Variants in KLRG2 observed in about 807,000 individuals in gnomAD.
KLRG2 encodes killer cell lectin-like receptor subfamily G member 2.
Under a neutral mutation model 35.4 loss-of-function variants are expected in KLRG2, and 39 were observed. The ratio of observed to expected loss-of-function variants is 1.10; its 90% confidence interval spans 0.85 to 1.44. The LOEUF is 1.44. Among genes scored for constraint, KLRG2 ranks in the 40% most tolerant of loss-of-function variants. The pLI is 0.00. For missense variants in KLRG2, 632 were observed against 570.9 expected (o/e 1.11, Z -1.09); for synonymous variants, 283 against 265.8 (o/e 1.06, Z -0.63).
intron 3 of KLRG2, among the ~76,000 whole-genome samples, chr7:139,466,754 TA>T (rs149994532): frequency 1.9e-4 from 25 of 132,450 alleles, no homozygotes; most frequent in East Asian, 3.0e-4. Context: ...ATAAAAAAAA[TA>T]AAAAAAGGGG....
At chr7:139,443,991 G>C in the KLRG2 span, among the ~76,000 whole-genome samples, 2 of 152,180 alleles carry the variant, frequency 1.3e-5, no homozygotes, top group African/African-American at 4.8e-5. Flanking sequence ...GAGAGCCCCT[G>C]GCAAACCACT....
At chr7:139,461,667 C>T (rs79381369) in intron 3 of KLRG2, among the ~76,000 whole-genome samples, 3 of 152,120 alleles carry the variant, frequency 2.0e-5, no homozygotes, top group Non-Finnish European at 4.4e-5. Context: ...TTATGACCCC[C>T]GCCCCTGCCC....
intron 3 of KLRG2, among the ~76,000 whole-genome samples, chr7:139,464,248 C>T (rs187054796): frequency 6.6e-6 from 1 of 152,142 alleles, no homozygotes; most frequent in Non-Finnish European, 1.5e-5. Flanking sequence ...CCATTAAAAC[C>T]TAATCACCCA....
In KLRG2 at chr7:139,483,120, C is replaced by G; in HGVS notation, c.523G>C (p.Ala175Pro). The G allele has an allele frequency of 6.8e-7, 1 of 1,477,440 alleles. No homozygotes were observed. The highest frequency in any genetic ancestry group is 1.5e-5 in the African/African-American group (1 of 68,056). The allele number at this position is 1,477,440 out of a possible 1,614,324, so 91.5% of individuals were successfully genotyped here. Residue 175 changes from alanine (A) to proline (P), a missense_variant, in exon 1 of 5, where the codon GCA becomes CCA. Physicochemically the swap from Ala to Pro is conservative, Grantham distance 27 (BLOSUM62 -1). Transcript: ENST00000340940. The part of the protein sequence containing the change: ...ADPAHQLLLR[A>P]PSQGGTWGRR... ...CCCCACGTGCCGCCCTGGGATGGTG[C>G]GCGCAGCAGGAGCTGGTGCGCCGGG...
chr7:139,453,102 T>C lies in KLRG2; in HGVS notation c.*485A>G, dbSNP rs1474390105. On this transcript the variant is annotated 3_prime_UTR_variant, in exon 5 of 5. Transcript: ENST00000340940. ...TGGTTAATTTTCCAGAGGCTGCCGG[T>C]AGGCTGTGTCCGATGTACACCCAGC... 1.7e-5 allele frequency: 3 copies of C among 175,854 alleles called. No individual in the cohort carries two copies. The highest frequency in any genetic ancestry group is 7.1e-5 in the African/African-American group (3 of 42,370). 10.9% of individuals were successfully genotyped at this position (175,854 alleles called of 1,614,324 possible).
the KLRG2 span, among the ~76,000 whole-genome samples, chr7:139,445,917 C>T: frequency 2.7e-5 from 4 of 150,766 alleles, no homozygotes; most frequent in East Asian, 1.9e-4. Flanking sequence ...CTGCAGCCTC[C>T]GCCTCCTGGG....
chr7:139,478,554 C>CTTGGG (rs1796897011), intron 3 of KLRG2, among the ~76,000 whole-genome samples: 1 of 151,990 alleles, frequency 6.6e-6, no homozygotes, highest in African/African-American at 2.4e-5. Context: ...CCTGTAATCC[C>CTTGGG]AGCTACTTGG....
At chr7:139,449,422 T>C (rs143515523), downstream of KLRG2, among the ~76,000 whole-genome samples, 240 of 152,010 alleles carry the variant, frequency 1.6e-3, 1 homozygote, top group Middle Eastern at 3.4e-3. Flanking sequence ...AATGGTACTC[T>C]TGTATGGGGC....
chr7:139,483,417 C>G lies in KLRG2; in HGVS notation c.226G>C (p.Gly76Arg), dbSNP rs754779844. 1.9e-6 allele frequency: 3 copies of G among 1,551,860 alleles called. No individual in the cohort carries two copies. The Admixed American group carries it at 5.6e-5, about 29-fold the overall frequency. ...SKKKPPSPRP[G>R]SPRVPPLSLG... ...CTGAGCGGCGGCACGCGCGGGGACCCGGGGCGAGGCGAAGGCGGCTTTTTC... is the reference window on the plus strand; with the variant it reads ...CTGAGCGGCGGCACGCGCGGGGACCGGGGGCGAGGCGAAGGCGGCTTTTTC... Residue 76 changes from glycine to arginine, a missense_variant, in exon 1 of 5, where the codon GGG becomes CGG. By Grantham distance (125) the Gly-to-Arg change is moderately radical. Transcript: ENST00000340940.
chr7:139,430,692 G>A, the KLRG2 span, among the ~76,000 whole-genome samples: 1 of 152,084 alleles, frequency 6.6e-6, no homozygotes, highest in East Asian at 1.9e-4. Context: ...ATTCATAAGA[G>A]CGGAAATATC....
the KLRG2 span, among the ~76,000 whole-genome samples, chr7:139,427,982 C>T: frequency 8.5e-4 from 129 of 152,200 alleles, no homozygotes; most frequent in African/African-American, 2.9e-3. Flanking sequence ...CAGAGTCAGC[C>T]GACACCTTTT....
At chr7:139,428,911 G>A in the KLRG2 span, among the ~76,000 whole-genome samples, 2 of 152,218 alleles carry the variant, frequency 1.3e-5, no homozygotes, top group Non-Finnish European at 2.9e-5. Context: ...AAGAGCGGGT[G>A]TAACAAATTG....
chr7:139,427,926 C>T, the KLRG2 span, among the ~76,000 whole-genome samples: 9 of 152,246 alleles, frequency 5.9e-5, no homozygotes, highest in East Asian at 3.9e-4. Flanking sequence ...CCATCATGCC[C>T]GTTTTTCGGA....
chr7:139,461,933 C>T (rs1238751402), intron 3 of KLRG2, among the ~76,000 whole-genome samples: 6 of 152,180 alleles, frequency 3.9e-5, no homozygotes, highest in Admixed American at 2.0e-4. Flanking sequence ...TTTGCACCTA[C>T]GACCTCTGGT....
At chr7:139,441,997 C>A in the KLRG2 span, among the ~76,000 whole-genome samples, 2 of 152,310 alleles carry the variant, frequency 1.3e-5, no homozygotes, top group African/African-American at 4.8e-5. Context: ...CTGAAACCCT[C>A]AGCCATGAAA....
intron 3 of KLRG2, among the ~76,000 whole-genome samples, chr7:139,469,229 T>C (rs570458872): frequency 5.3e-5 from 8 of 152,306 alleles, no homozygotes; most frequent in Non-Finnish European, 1.0e-4. Context: ...GTGCGATCTT[T>C]GCTCACTGCA....
At chr7:139,465,385 G>A (rs1585168735) in intron 3 of KLRG2, among the ~76,000 whole-genome samples, 4 of 152,120 alleles carry the variant, frequency 2.6e-5, no homozygotes, top group African/African-American at 9.7e-5. Flanking sequence ...TCTCAAAGCC[G>A]CTTTACTTCC....
At chr7:139,482,548 A>T (rs1261365969) in intron 1 of KLRG2, among the ~76,000 whole-genome samples, 2 of 152,036 alleles carry the variant, frequency 1.3e-5, no homozygotes, top group Non-Finnish European at 2.9e-5. Flanking sequence ...GAATGCCACC[A>T]TGCCAGGCTA....
chr7:139,454,066 G>C, intron 4 of KLRG2, 45 bp downstream of exon 4: 2 of 1,145,042 alleles, frequency 1.7e-6, no homozygotes, highest in Non-Finnish European at 2.6e-6. Context: ...GAGAAATGGA[G>C]GATCCAGAAC....
Sources: allele counts gnomAD v4.1 joint callset (sites outside exome capture counted in the v4.1 genomes callset), GRCh38; gene constraint gnomAD v4.1.1; transcripts MANE v1.5; gene names NCBI Gene and HGNC (gene_info 2026-07-23, HGNC 2026-07-21).